The following RALGPS2 variants were observed in gnomAD, a reference collection of about 807,000 sequenced individuals.
The protein encoded by RALGPS2 is ras-specific guanine nucleotide-releasing factor RalGPS2.
A neutral mutation model predicts 86.8 loss-of-function variants in RALGPS2; 43 were observed. That is an observed-to-expected ratio of 0.50 (90% CI 0.39 to 0.64). The LOEUF (loss-of-function observed/expected upper bound fraction) is 0.64. Ranked by LOEUF, RALGPS2 falls within the 30% of genes least tolerant of loss-of-function variation. The probability of loss-of-function intolerance (pLI) is 0.00; values close to 1 mark genes in which losing one functional copy is unlikely to be tolerated. For synonymous variants in RALGPS2, 243 were observed against 231.3 expected (o/e 1.05, Z -0.46); for missense variants, 536 against 694.6 (o/e 0.77, Z 2.57).
intron 8 of RALGPS2, among the ~76,000 whole-genome samples, chr1:178,873,087 A>G (rs1658841976): frequency 6.6e-6 from 1 of 152,216 alleles, no homozygotes; most frequent in Non-Finnish European, 1.5e-5. Flanking sequence ...CCTGAGAACT[A>G]GACGAGAATG....
rs3753536 is a variant in RALGPS2 at position 178,834,232 on chromosome 1, A to G, written c.607+682A>G. ...ATCAAACATAAGGAAAATACATGATACATACCTAGCATACATTAAAATGAA... is the reference window on the plus strand; with the variant it reads ...ATCAAACATAAGGAAAATACATGATGCATACCTAGCATACATTAAAATGAA... On this transcript the variant is annotated intron_variant, in intron 8 of 19. Transcript: ENST00000367635. 1.9e-3 allele frequency among the ~76,000 whole-genome samples: 296 copies of G among 152,336 alleles called. 1 individual carries two copies. The highest frequency in any genetic ancestry group is 6.8e-3 in the African/African-American group (284 of 41,574).
chr1:178,772,770 C>G (rs1165214989), intron 1 of RALGPS2, among the ~76,000 whole-genome samples: 1 of 151,876 alleles, frequency 6.6e-6, no homozygotes, highest in Non-Finnish European at 1.5e-5. Flanking sequence ...GAAGGCAAAA[C>G]AATTTTAACT....
intron 4 of RALGPS2, among the ~76,000 whole-genome samples, chr1:178,807,658 G>T (rs1195797498): frequency 2.6e-5 from 4 of 152,130 alleles, no homozygotes; most frequent in Non-Finnish European, 5.9e-5. Flanking sequence ...TGGGGTAATT[G>T]ACTGTTAGCT....
At chr1:178,910,718 T>A (rs1660587192) in intron 19 of RALGPS2, among the ~76,000 whole-genome samples, 1 of 152,206 alleles carries the variant, frequency 6.6e-6, no homozygotes, top group Non-Finnish European at 1.5e-5. Flanking sequence ...GACCTGTAGT[T>A]CTGTTTTTTC....
At chr1:178,893,865 T>C in intron 15 of RALGPS2, 54 bp from the exon 16 acceptor site, 4 of 1,162,432 alleles carry the variant, frequency 3.4e-6, no homozygotes, top group Non-Finnish European at 5.0e-6. Context: ...AAGTACCTAC[T>C]TGATGACTAT....
At position 178,897,716 on chromosome 1, in the gene RALGPS2, A is replaced by C; in HGVS notation, c.1484A>C (p.Tyr495Ser). The C allele has an allele frequency of 6.2e-7, 1 of 1,612,604 alleles. No homozygotes were observed. Among genetic ancestry groups the C allele is most frequent in the Non-Finnish European group, 8.5e-7 (1 of 1,179,076 alleles). ...GCTTTGTGTGGGACACAGCTTTTTT[A>C]CTATGCTGCCAAATCTCTAAAGGCT... Reference protein sequence around the residue: ...WAALCGTQLFYYAAKSLKATE... With the variant: ...WAALCGTQLFSYAAKSLKATE... The change falls in exon 17 of 20, where the codon TAC becomes TCC. Residue 495 changes from tyrosine to serine, a missense_variant. Coordinates refer to ENST00000367635, the MANE Select transcript of RALGPS2 (RefSeq NM_152663.5).
At chr1:178,861,297 A>G (rs1182094308) in intron 8 of RALGPS2, among the ~76,000 whole-genome samples, 1 of 152,214 alleles carries the variant, frequency 6.6e-6, no homozygotes, top group Non-Finnish European at 1.5e-5. Flanking sequence ...CAAATAATGA[A>G]TAACAGAAAA....
At chr1:178,801,531 T>TA (rs35260376) in intron 4 of RALGPS2, among the ~76,000 whole-genome samples, 2 of 152,154 alleles carry the variant, frequency 1.3e-5, no homozygotes, top group African/African-American at 2.4e-5. Context: ...ATTTTTACAT[T>TA]AAAAAAATTT....
intron 1 of RALGPS2, among the ~76,000 whole-genome samples, chr1:178,736,020 A>G (rs577416026): frequency 6.6e-6 from 1 of 151,126 alleles, no homozygotes; most frequent in African/African-American, 2.4e-5. Context: ...AAAGGGAGTT[A>G]TTTGGAGGTT....
chr1:178,897,612 C>CT lies in RALGPS2; in HGVS notation c.1432-51dup, dbSNP rs149048552. ...CATTGGCACTTAGAATGTAAAGAAA[C>CT]TAAGAAGCCAGGAGCATTGTAATAG... On this transcript the variant is annotated intron_variant, in intron 16 of 19. Coordinates refer to ENST00000367635, the MANE Select transcript of RALGPS2 (RefSeq NM_152663.5). The CT allele has an allele frequency of 3.3e-3, 4,821 of 1,444,992 alleles. 101 individuals are homozygous for CT. In the African/African-American group the frequency reaches 0.054, roughly 16 times the overall value. The allele number at this position is 1,444,992 out of a possible 1,614,324, so 89.5% of individuals were successfully genotyped here.
At chr1:178,770,819 GTT>G (rs1652771917) in intron 1 of RALGPS2, among the ~76,000 whole-genome samples, 1 of 143,374 alleles carries the variant, frequency 7.0e-6, no homozygotes, top group African/African-American at 2.6e-5. Flanking sequence ...TAAAAACAAA[GTT>G]TTTTTATGTT....
chr1:178,774,398 T>G (rs929660274), intron 1 of RALGPS2, among the ~76,000 whole-genome samples: 1 of 152,262 alleles, frequency 6.6e-6, no homozygotes, highest in Non-Finnish European at 1.5e-5. Context: ...TATTTTGATA[T>G]GTAAAGTAAG....
At position 178,814,548 on chromosome 1, in the gene RALGPS2, A is replaced by C. The variant is rs145525464; in HGVS notation, c.387+3144A>C. Among the ~76,000 whole-genome samples the C allele has an allele frequency of 7.4e-4, 113 of 151,998 alleles. 1 individual carries two copies. Among genetic ancestry groups the C allele is most frequent in the African/African-American group, 2.5e-3 (104 of 41,452 alleles). Reference sequence around the variant, plus strand: ...CCTTCTGGGCCCAGGCAATCTTCCTACCTCAGCCTCCCGAATAGTTAGGAT... The same window carrying C: ...CCTTCTGGGCCCAGGCAATCTTCCTCCCTCAGCCTCCCGAATAGTTAGGAT... On this transcript the variant is annotated intron_variant, in intron 6 of 19. Coordinates refer to ENST00000367635, the MANE Select transcript of RALGPS2 (RefSeq NM_152663.5).
intron 18 of RALGPS2, among the ~76,000 whole-genome samples, chr1:178,902,846 A>G (rs903398533): frequency 6.6e-6 from 1 of 152,178 alleles, no homozygotes; most frequent in Non-Finnish European, 1.5e-5. Context: ...CTTTCTGAAT[A>G]TATTTGGCTC....
At chr1:178,906,672 C>A in intron 18 of RALGPS2, 104 bp from the exon 19 acceptor site, 1 of 821,660 alleles carries the variant, frequency 1.2e-6, no homozygotes, top group Non-Finnish European at 1.9e-6. Context: ...AATTCTAAAA[C>A]TGAAAACTCT....
chr1:178,778,179 A>G (rs1653192491), intron 2 of RALGPS2, among the ~76,000 whole-genome samples: 1 of 124,346 alleles, frequency 8.0e-6, no homozygotes. Context: ...TCTACAATGA[A>G]CTCAAACAAA....
At chr1:178,738,704 C>T (rs975299149) in intron 1 of RALGPS2, among the ~76,000 whole-genome samples, 1 of 152,110 alleles carries the variant, frequency 6.6e-6, no homozygotes, top group African/African-American at 2.4e-5. Context: ...CTGTATGAAT[C>T]TGGGCAAGTT....
intron 2 of RALGPS2, among the ~76,000 whole-genome samples, chr1:178,782,103 A>C (rs1391313452): frequency 6.6e-6 from 1 of 152,224 alleles, no homozygotes; most frequent in East Asian, 1.9e-4. Context: ...CACATTTAAC[A>C]GTGATGCCCT....
At chr1:178,843,625 T>C (rs143786872) in intron 8 of RALGPS2, among the ~76,000 whole-genome samples, 3,092 of 147,274 alleles carry the variant, frequency 0.021, 39 homozygotes, top group Middle Eastern at 0.042. Flanking sequence ...GCACATTGTG[T>C]ACATGTACCC....
Sources: gnomAD v4.1 joint callset for allele counts (sites outside exome capture counted in the v4.1 genomes callset) on GRCh38, gnomAD v4.1.1 for gene constraint, MANE v1.5 for transcripts, NCBI Gene and HGNC (gene_info 2026-07-23, HGNC 2026-07-21) for gene names.